Variants in GNAQ observed in about 807,000 individuals in gnomAD.
GNAQ encodes guanine nucleotide-binding protein G(q) subunit alpha.
Under a neutral mutation model 43.9 loss-of-function variants are expected in GNAQ, and 8 were observed. The observed-to-expected ratio is 0.18, with a 90% CI of 0.11 to 0.33. The LOEUF is 0.33. Among genes scored for constraint, GNAQ ranks in the 10% least tolerant of loss-of-function variants. GNAQ has a pLI of 1.00. For missense variants in GNAQ, 158 were observed against 450.8 expected, an observed-to-expected ratio of 0.35 and a Z score of 5.88; for synonymous variants, 155 against 170.7, an observed-to-expected ratio of 0.91 and a Z score of 0.71.
intron 2 of GNAQ, among the ~76,000 whole-genome samples, chr9:77,844,882 C>A (rs1347666527): frequency 6.6e-6 from 1 of 152,028 alleles, no homozygotes; most frequent in Non-Finnish European, 1.5e-5. Flanking sequence ...ACCATGTTGG[C>A]CAGGCTGGTC....
intron 3 of GNAQ, among the ~76,000 whole-genome samples, chr9:77,809,951 A>T (rs192114769): frequency 1.3e-5 from 2 of 152,190 alleles, no homozygotes; most frequent in East Asian, 1.9e-4. Context: ...GTTAGTATGG[A>T]TAATTGCTGC....
At chr9:77,947,751 G>A (rs1311398097) in intron 1 of GNAQ, among the ~76,000 whole-genome samples, 1 of 152,186 alleles carries the variant, frequency 6.6e-6, no homozygotes, top group Non-Finnish European at 1.5e-5. Context: ...TTCTGATTCT[G>A]CAGTTCTGGG....
chr9:77,882,457 T>C (rs1477070850), intron 2 of GNAQ, among the ~76,000 whole-genome samples: 1 of 152,170 alleles, frequency 6.6e-6, no homozygotes, highest in Non-Finnish European at 1.5e-5. Context: ...ACAAGCAAGA[T>C]AAAAGGTTTT....
chr9:77,861,089 G>T (rs1827842548), intron 2 of GNAQ, among the ~76,000 whole-genome samples: 1 of 152,172 alleles, frequency 6.6e-6, no homozygotes, highest in African/African-American at 2.4e-5. Context: ...CATGTGGCTG[G>T]GGAGGCCTCA....
At chr9:77,831,804 C>G (rs1266230893) in intron 2 of GNAQ, among the ~76,000 whole-genome samples, 1 of 152,170 alleles carries the variant, frequency 6.6e-6, no homozygotes, top group East Asian at 1.9e-4. Context: ...AAATGAAAAT[C>G]TTTAAAGAAA....
intron 5 of GNAQ, among the ~76,000 whole-genome samples, chr9:77,746,675 A>T (rs1045775552): frequency 6.6e-6 from 1 of 152,246 alleles, no homozygotes; most frequent in Non-Finnish European, 1.5e-5. Flanking sequence ...TAAATAGTGT[A>T]AACAGTGAAT....
chr9:78,011,403 C>A (rs913136615), intron 1 of GNAQ, among the ~76,000 whole-genome samples: 2 of 151,966 alleles, frequency 1.3e-5, no homozygotes, highest in African/African-American at 4.8e-5. Flanking sequence ...TTCCTAAGCA[C>A]AAATGAAGAC....
chr9:77,756,564 G>C (rs1304798823), intron 5 of GNAQ, among the ~76,000 whole-genome samples: 1 of 152,124 alleles, frequency 6.6e-6, no homozygotes, highest in Non-Finnish European at 1.5e-5. Context: ...CCATGGCCTA[G>C]GGAATGCTGG....
chr9:77,889,297 A>G (rs1049786257), intron 2 of GNAQ, among the ~76,000 whole-genome samples: 1 of 150,844 alleles, frequency 6.6e-6, no homozygotes, highest in Non-Finnish European at 1.5e-5. Flanking sequence ...AGTCCCAGCT[A>G]CTCATCAGGA....
chr9:77,925,582 A>C (rs1829059660), intron 1 of GNAQ, among the ~76,000 whole-genome samples: 1 of 152,208 alleles, frequency 6.6e-6, no homozygotes. Flanking sequence ...CCAATTGACC[A>C]GCCCTAAATT....
In GNAQ at chr9:77,911,736, G is replaced by C. The variant is rs1391927197; in HGVS notation, c.321+10425C>G. 4.6e-5 allele frequency among the ~76,000 whole-genome samples: 7 copies of C among 152,146 alleles called. No homozygotes were observed. The East Asian group carries it at 9.6e-4, about 21-fold the overall frequency. On this transcript the variant is annotated intron_variant, in intron 2 of 6. Coordinates refer to ENST00000286548, the MANE Select transcript of GNAQ (RefSeq NM_002072.5). ...TTGGCCCAAAAAGCGATTTGTGGAA[G>C]GGGAATTTGGTAGAACTCCATTGCA... is the stretch of plus-strand genomic sequence containing the variant.
intron 2 of GNAQ, among the ~76,000 whole-genome samples, chr9:77,913,247 C>T (rs1176594698): frequency 6.6e-6 from 1 of 151,274 alleles, no homozygotes; most frequent in African/African-American, 2.4e-5. Context: ...TTTATATTTG[C>T]AGTATTTTTA....
chr9:77,998,463 A>G (rs1823603615), intron 1 of GNAQ, among the ~76,000 whole-genome samples: 1 of 152,238 alleles, frequency 6.6e-6, no homozygotes, highest in African/African-American at 2.4e-5. Flanking sequence ...TATGCAAGAA[A>G]AAGGTAACAA....
chr9:77,976,632 C>T (rs533861831), intron 1 of GNAQ, among the ~76,000 whole-genome samples: 1 of 152,166 alleles, frequency 6.6e-6, no homozygotes, highest in African/African-American at 2.4e-5. Context: ...CCTCGTGATC[C>T]ACCCACCTCA....
intron 5 of GNAQ, among the ~76,000 whole-genome samples, chr9:77,767,566 A>G (rs1826156767): frequency 1.3e-5 from 2 of 152,242 alleles, no homozygotes; most frequent in African/African-American, 4.8e-5. Context: ...AAGACTAAGC[A>G]CTTGAAAGTG....
intron 3 of GNAQ, among the ~76,000 whole-genome samples, chr9:77,805,673 G>A (rs1826818926): frequency 6.6e-6 from 1 of 151,990 alleles, no homozygotes; most frequent in Non-Finnish European, 1.5e-5. Flanking sequence ...CAAAGTGCTG[G>A]GATTACAGGC....
At chr9:77,955,502 A>G (rs889138657) in intron 1 of GNAQ, among the ~76,000 whole-genome samples, 1 of 152,216 alleles carries the variant, frequency 6.6e-6, no homozygotes. Context: ...AACTGCATTT[A>G]AGCACTTTTT....
At chr9:77,982,928 A>C (rs553503558) in intron 1 of GNAQ, among the ~76,000 whole-genome samples, 50 of 152,210 alleles carry the variant, frequency 3.3e-4, no homozygotes, top group Admixed American at 7.9e-4. Context: ...GCACATGTAC[A>C]CTAGAACTTA....
At chr9:77,815,522 T>A (rs1826998292) in intron 3 of GNAQ, 94 bp downstream of exon 3, 1 of 752,454 alleles carries the variant, frequency 1.3e-6, no homozygotes. Flanking sequence ...ATATATGACA[T>A]ATACAGGACA....
Sources: allele counts gnomAD v4.1 joint callset (sites outside exome capture counted in the v4.1 genomes callset), GRCh38; gene constraint gnomAD v4.1.1; transcripts MANE v1.5; gene names NCBI Gene and HGNC (gene_info 2026-07-23, HGNC 2026-07-21).